Variants in FRMD4A observed in about 807,000 individuals in gnomAD.
FRMD4A encodes FERM domain containing 4A.
FRMD4A carries 29 observed loss-of-function variants against 129.1 expected under a neutral mutation model. That is an observed-to-expected ratio of 0.22 (90% CI 0.17 to 0.31). The LOEUF (loss-of-function observed/expected upper bound fraction) is 0.31. FRMD4A is among the 10% of genes least tolerant of loss of function. FRMD4A has a pLI of 1.00. For synonymous variants in FRMD4A, 634 were observed against 571.6 expected, an observed-to-expected ratio of 1.11 and a Z score of -1.56; for missense variants, 1,272 against 1,375.8, an observed-to-expected ratio of 0.92 and a Z score of 1.19.
chr10:13,778,478 AT>A (rs1391841575), intron 6 of FRMD4A, among the ~76,000 whole-genome samples: 1 of 152,118 alleles, frequency 6.6e-6, no homozygotes, highest in Non-Finnish European at 1.5e-5. Context: ...ACAGAACTGA[AT>A]TTGATCATTA....
intron 3 of FRMD4A, among the ~76,000 whole-genome samples, chr10:13,844,534 C>A (rs1458937361): frequency 3.3e-5 from 5 of 152,098 alleles, no homozygotes; most frequent in Admixed American, 2.6e-4. Context: ...ACATCCGGCC[C>A]ACTTTATTGT....
chr10:13,995,392 C>T (rs2095618823), intron 2 of FRMD4A, among the ~76,000 whole-genome samples: 1 of 152,190 alleles, frequency 6.6e-6, no homozygotes, highest in Admixed American at 6.5e-5. Flanking sequence ...TGAGACCAGC[C>T]TGGCCAACAT....
At position 13,666,300 on chromosome 10, in the gene FRMD4A, C is replaced by T. The variant is rs972227275; in HGVS notation, c.1400G>A (p.Arg467Gln). ...AATCTGGGACTGAATGGCAAACTCT[C>T]GTTCCAGGCGTTCCAGCTCAGCTTC... ...GEEAELERLE[R>Q]EFAIQSQITE... Residue 467 changes from arginine (R) to glutamine (Q), a missense_variant, in exon 18 of 25, where the codon CGA (arginine) becomes CAA (glutamine). Arg to Gln is a conservative substitution (Grantham distance 43). Around this residue, in one of 2 missense-constraint regions of FRMD4A, gnomAD observed 972 missense variants for 892.3 expected, o/e 1.09. Transcript: ENST00000357447. 8.7e-6 allele frequency: 14 copies of T among 1,613,756 alleles called. No individual in the cohort carries two copies. Among genetic ancestry groups the T allele is most frequent in the East Asian group, 2.2e-5 (1 of 44,882 alleles).
At chr10:13,829,548 C>G (rs1000028065) in intron 3 of FRMD4A, among the ~76,000 whole-genome samples, 5 of 152,152 alleles carry the variant, frequency 3.3e-5, no homozygotes, top group African/African-American at 1.2e-4. Context: ...ACGTCCAAGC[C>G]CTTCTCAATC....
intron 12 of FRMD4A, among the ~76,000 whole-genome samples, chr10:13,723,083 T>C (rs1564691345): frequency 6.6e-6 from 1 of 152,024 alleles, no homozygotes; most frequent in East Asian, 1.9e-4. Context: ...TCCAAGCTGG[T>C]TAGCTAGTTT....
chr10:14,016,666 C>T (rs112948340), intron 2 of FRMD4A, among the ~76,000 whole-genome samples: 1 of 152,128 alleles, frequency 6.6e-6, no homozygotes, highest in African/African-American at 2.4e-5. Context: ...CAGGTTAAGA[C>T]CCCCTATCCC....
intron 2 of FRMD4A, among the ~76,000 whole-genome samples, chr10:14,017,718 G>T (rs1296607096): frequency 6.6e-6 from 1 of 152,184 alleles, no homozygotes; most frequent in Non-Finnish European, 1.5e-5. Flanking sequence ...TCGCTCCTGT[G>T]CCCAGGGACA....
At chr10:13,832,608 C>T (rs2093808017) in intron 3 of FRMD4A, among the ~76,000 whole-genome samples, 1 of 152,182 alleles carries the variant, frequency 6.6e-6, no homozygotes, top group African/African-American at 2.4e-5. Flanking sequence ...GGCTGAAGTA[C>T]AGTGGTACAA....
chr10:13,927,710 G>C (rs1205505096), intron 2 of FRMD4A, among the ~76,000 whole-genome samples: 1 of 152,122 alleles, frequency 6.6e-6, no homozygotes, highest in Non-Finnish European at 1.5e-5. Context: ...AATGTGTAGA[G>C]ACTGTCCATA....
intron 2 of FRMD4A, among the ~76,000 whole-genome samples, chr10:14,084,501 T>C (rs1465581974): frequency 6.6e-6 from 1 of 152,218 alleles, no homozygotes; most frequent in African/African-American, 2.4e-5. Context: ...AAATTTTCTA[T>C]GTTATGTGAT....
intron 2 of FRMD4A, among the ~76,000 whole-genome samples, chr10:13,940,838 C>T (rs549684519): frequency 2.0e-5 from 3 of 152,184 alleles, no homozygotes; most frequent in Non-Finnish European, 2.9e-5. Flanking sequence ...AATGTCTTTA[C>T]GATTTCCTAG....
At chr10:13,680,739 A>T (rs576056248) in intron 15 of FRMD4A, among the ~76,000 whole-genome samples, 60 of 151,454 alleles carry the variant, frequency 4.0e-4, no homozygotes, top group African/African-American at 1.3e-3. Context: ...AAAAAAATTT[A>T]AAAAAAAGTT....
chr10:14,294,989 G>T (rs1191504860), intron 2 of FRMD4A, among the ~76,000 whole-genome samples: 3 of 152,064 alleles, frequency 2.0e-5, no homozygotes, highest in Non-Finnish European at 4.4e-5. Flanking sequence ...TTTTAAATGG[G>T]GAAACTAAAG....
intron 2 of FRMD4A, among the ~76,000 whole-genome samples, chr10:14,108,124 G>A (rs1837681468): frequency 6.6e-6 from 1 of 152,148 alleles, no homozygotes; most frequent in East Asian, 1.9e-4. Context: ...TTGCCAACCT[G>A]TGGGCTTTTT....
At chr10:13,778,598 C>CGTGTGTGT (rs150073571) in intron 6 of FRMD4A, among the ~76,000 whole-genome samples, 1,537 of 147,964 alleles carry the variant, frequency 0.01, 30 homozygotes, top group African/African-American at 0.036. Flanking sequence ...ACCATTCCAA[C>CGTGTGTGT]GTGTGTGTGT....
chr10:13,674,336 G>A (rs2083781166), intron 16 of FRMD4A, among the ~76,000 whole-genome samples: 1 of 152,190 alleles, frequency 6.6e-6, no homozygotes, highest in Non-Finnish European at 1.5e-5. Context: ...TATCACGTGA[G>A]GAGATGCTTT....
At chr10:13,897,877 G>A (rs530128881) in intron 2 of FRMD4A, among the ~76,000 whole-genome samples, 25 of 148,862 alleles carry the variant, frequency 1.7e-4, no homozygotes, top group African/African-American at 6.0e-4. Context: ...GGCGGAGGCT[G>A]CAGTGAGCTG....
At chr10:14,208,833 A>G (rs563567416) in intron 2 of FRMD4A, among the ~76,000 whole-genome samples, 1 of 152,274 alleles carries the variant, frequency 6.6e-6, no homozygotes, top group South Asian at 2.1e-4. Flanking sequence ...TGGAAGATCC[A>G]TATTGATGAA....
intron 2 of FRMD4A, among the ~76,000 whole-genome samples, chr10:14,069,856 G>T (rs776201646): frequency 6.6e-6 from 1 of 152,156 alleles, no homozygotes; most frequent in Non-Finnish European, 1.5e-5. Flanking sequence ...AGCTTTTATA[G>T]AGAATTCTCC....
Sources: allele counts gnomAD v4.1 joint callset (sites outside exome capture counted in the v4.1 genomes callset), GRCh38; gene constraint gnomAD v4.1.1; regional missense constraint gnomAD v4.1.1; transcripts MANE v1.5; gene names NCBI Gene and HGNC (gene_info 2026-07-23, HGNC 2026-07-21).